PLAGL1: variants seen among roughly 807,000 people sequenced by gnomAD.
The protein encoded by PLAGL1 is zinc finger protein PLAGL1.
PLAGL1 carries 1 observed loss-of-function variant against 4.6 expected under a neutral mutation model. The observed-to-expected ratio is 0.22, with a 90% CI of 0.08 to 1.03. PLAGL1 has a LOEUF of 1.03. PLAGL1 is among the 50% of genes least tolerant of loss of function. The pLI is 0.58. For synonymous variants in PLAGL1, 240 were observed against 237.8 expected (o/e 1.01, Z -0.08); for missense variants, 464 against 570.4 (o/e 0.81, Z 1.90).
chr6:144,009,564 G>A (rs1201672616), upstream of PLAGL1, among the ~76,000 whole-genome samples: 2 of 151,962 alleles, frequency 1.3e-5, no homozygotes, highest in Non-Finnish European at 2.9e-5. Flanking sequence ...TGTGCAGAAC[G>A]GGCAGGTTTG....
At chr6:144,041,190 T>C (rs961351811) in intron 1 of PLAGL1, among the ~76,000 whole-genome samples, 2 of 152,036 alleles carry the variant, frequency 1.3e-5, no homozygotes, top group African/African-American at 2.4e-5. Context: ...CAACTTTCTA[T>C]ATATATATAT....
rs1791136852 is a variant in PLAGL1 at position 143,994,080 on chromosome 6, G to GTGCT, written c.-583-8907_-583-8906insAGCA. ...AAAGAACTCCCTAGGGGCAAGGCCA[G>GTGCT]TACTTCTGAAAATGATGAACAAGAA... On this transcript the variant is annotated intron_variant, in intron 1 of 7. Coordinates refer to ENST00000674357, the MANE Select transcript of PLAGL1 (RefSeq NM_001317162.2). This position sits in a 1 kb window ranked among gnomAD's most constrained non-coding sequence, Gnocchi z 4.3. 6.6e-6 allele frequency among the ~76,000 whole-genome samples: 1 copy of GTGCT among 151,696 alleles called. No homozygotes were observed. The highest frequency in any genetic ancestry group is 1.5e-5 in the Non-Finnish European group (1 of 67,926).
In PLAGL1 at chr6:143,941,450, G is replaced by A; in HGVS notation, c.1366C>T (p.Pro456Ser). Residue 456 changes from proline (P) to serine (S), a missense_variant, in exon 8 of 8, where the codon CCT becomes TCT. Around this residue, in one of 4 missense-constraint regions of PLAGL1, gnomAD observed 20 missense variants for 46.3 expected, o/e 0.43. Coordinates refer to ENST00000674357, the MANE Select transcript of PLAGL1 (RefSeq NM_001317162.2). This position sits in a 1 kb window ranked among gnomAD's most constrained non-coding sequence, Gnocchi z 6.0. ...TATCTGAATGCATGATGGAAATGAGGCAGGATGGCAGAGCCAGTGCCAGCT... is the reference window on the plus strand; with the variant it reads ...TATCTGAATGCATGATGGAAATGAGACAGGATGGCAGAGCCAGTGCCAGCT... ...FSAGTGSAIL[P>S]HFHHAFR The A allele has an allele frequency of 1.3e-6, 2 of 1,502,718 alleles. No homozygotes were observed. The highest frequency in any genetic ancestry group is 1.8e-6 in the Non-Finnish European group (2 of 1,125,784). 93.1% of individuals were successfully genotyped at this position (1,502,718 alleles called of 1,614,324 possible). A position where few individuals can be genotyped will look rare whatever the true frequency, so the allele number is the denominator to read the frequency against.
intron 1 of PLAGL1, among the ~76,000 whole-genome samples, chr6:144,025,020 C>A (rs1007532070): frequency 2.0e-5 from 3 of 152,170 alleles, no homozygotes; most frequent in Admixed American, 2.0e-4. Context: ...GCATGTACAG[C>A]CCTCCTTCCA....
chr6:143,942,581 T>C lies in PLAGL1; in HGVS notation c.235A>G (p.Asn79Asp). The change falls in exon 8 of 8, where the codon AAC (asparagine) becomes GAC (aspartate). Residue 79 changes from asparagine to aspartate, a missense_variant. Asn to Asp is a conservative substitution (Grantham distance 23). Around this residue, in one of 4 missense-constraint regions of PLAGL1, gnomAD observed 161 missense variants for 196.7 expected, o/e 0.82. Coordinates refer to ENST00000674357, the MANE Select transcript of PLAGL1 (RefSeq NM_001317162.2). This position sits in a 1 kb window ranked among gnomAD's most constrained non-coding sequence, Gnocchi z 7.6. ...TTGGGGTCGTGGGTCTGGAGGTGGTTTTTCAGGTGGTCTTTCCGGTTGAAC... is the reference window on the plus strand; with the variant it reads ...TTGGGGTCGTGGGTCTGGAGGTGGTCTTTCAGGTGGTCTTTCCGGTTGAAC... ...KTFNRKDHLK[N>D]HLQTHDPNKM... 1 of 1,614,018 alleles carries C rather than the reference T, an allele frequency of 6.2e-7. No individual in the cohort carries two copies. The highest frequency in any genetic ancestry group is 1.3e-5 in the African/African-American group (1 of 74,986).
rs1799634359 is a variant in PLAGL1, at chr6:144,063,999, T to C, written c.-151+469A>G. Among the ~76,000 whole-genome samples the C allele has an allele frequency of 1.3e-5, 2 of 152,166 alleles. No homozygotes were observed. The highest frequency in any genetic ancestry group is 4.8e-5 in the African/African-American group (2 of 41,452). On this transcript the variant is annotated intron_variant, in intron 1 of 3. Coordinates refer to the PLAGL1 transcript ENST00000437412. This position sits in a 1 kb window ranked among gnomAD's most constrained non-coding sequence, Gnocchi z 5.7. ...TAAGCTGGCACTTGAGATTCTCCCG[T>C]TGGGGTGGTTCAGCAATGATCACCC...
Position 144,056,098 on chromosome 6 carries a change from G to A in PLAGL1, c.-151+8370C>T, listed in dbSNP as rs1437719501. ...CTTTCTCCATCCCACCCCCACCTCT[G>A]AAGAAATCTAGACCTCCAAGGGATC... is the stretch of plus-strand genomic sequence containing the variant. On this transcript the variant is annotated intron_variant, in intron 1 of 3. Coordinates refer to the PLAGL1 transcript ENST00000437412. This position sits in a 1 kb window ranked among gnomAD's most constrained non-coding sequence, Gnocchi z 4.7. Among the ~76,000 whole-genome samples the A allele has an allele frequency of 7.2e-6, 1 of 139,708 alleles. No individual in the cohort carries two copies. The highest frequency in any genetic ancestry group is 1.5e-5 in the Non-Finnish European group (1 of 65,914). 91.7% of individuals were successfully genotyped at this position (139,708 alleles called of 152,430 possible).
intron 1 of PLAGL1, among the ~76,000 whole-genome samples, chr6:144,040,721 C>CA (rs138041705): frequency 3.3e-5 from 5 of 151,826 alleles, no homozygotes; most frequent in Non-Finnish European, 5.9e-5. Flanking sequence ...ACTAAAAATA[C>CA]AAAAAAATTT....
At position 144,021,845 on chromosome 6, in the gene PLAGL1, C is replaced by T. The variant is rs1175208739; in HGVS notation, c.-151+42623G>A. Among the ~76,000 whole-genome samples the T allele has an allele frequency of 2.6e-5, 4 of 152,084 alleles. No individual in the cohort carries two copies. The South Asian group carries it at 8.3e-4, about 32-fold the overall frequency. ...GATCTAACTATACATTGGTAGCATT[C>T]CAGAAAGGTTTCAAATGGTCAGGTA... On this transcript the variant is annotated intron_variant, in intron 1 of 3. Transcript: ENST00000437412.
At chr6:144,031,365 C>A (rs750340498) in intron 1 of PLAGL1, among the ~76,000 whole-genome samples, 1 of 152,114 alleles carries the variant, frequency 6.6e-6, no homozygotes, top group Non-Finnish European at 1.5e-5. Flanking sequence ...TAAGTCCCAT[C>A]TATTTATATT....
rs149108444 is a variant in PLAGL1 at position 143,955,674 on chromosome 6, C to T, written c.-325+4795G>A. ...AGGCGCTCACCACCAGGGAGCTGGG[C>T]AATGGGGACCGATCAGAAGCAGTGG... On this transcript the variant is annotated intron_variant, in intron 6 of 7. Transcript: ENST00000674357. The surrounding 1 kb of genome is among the most constrained non-coding windows in gnomAD (Gnocchi z 4.9). Among the ~76,000 whole-genome samples, 22 of 152,212 alleles carry T rather than the reference C, an allele frequency of 1.4e-4. No individual in the cohort carries two copies. In the East Asian group the frequency reaches 4.3e-3, roughly 29 times the overall value.
Position 143,958,225 on chromosome 6 carries a change from A to G in PLAGL1, c.-325+2244T>C, listed in dbSNP as rs1483894539. 1.3e-5 allele frequency among the ~76,000 whole-genome samples: 2 copies of G among 152,248 alleles called. No individual in the cohort carries two copies. The highest frequency in any genetic ancestry group is 2.9e-5 in the Non-Finnish European group (2 of 68,038). ...AATTGCAGAGAGGAAAAAGTTACAT[A>G]TAATCACTTATCCCTCCCCCATGGG... On this transcript the variant is annotated intron_variant, in intron 6 of 7. Transcript: ENST00000674357. The surrounding 1 kb of genome is among the most constrained non-coding windows in gnomAD (Gnocchi z 5.1).
chr6:144,004,069 T>C lies in PLAGL1; in HGVS notation c.-584+4021A>G, dbSNP rs1562550083. Among the ~76,000 whole-genome samples, 1 of 152,200 alleles carries C rather than the reference T, an allele frequency of 6.6e-6. No individual in the cohort carries two copies. The highest frequency in any genetic ancestry group is 1.9e-4 in the East Asian group (1 of 5,204). On this transcript the variant is annotated intron_variant, in intron 1 of 7. Coordinates refer to ENST00000674357, the MANE Select transcript of PLAGL1 (RefSeq NM_001317162.2). The surrounding 1 kb of genome is among the most constrained non-coding windows in gnomAD (Gnocchi z 4.2). The stretch of plus-strand genomic sequence containing the variant: ...ATAATGTAATACCGTAGAAGAGGTG[T>C]CAATAAATTTTTTTCTGTAAATGGC...
intron 1 of PLAGL1, among the ~76,000 whole-genome samples, chr6:144,042,405 T>C (rs1797812979): frequency 6.6e-6 from 1 of 152,234 alleles, no homozygotes; most frequent in Non-Finnish European, 1.5e-5. Context: ...TAGCCAGTTT[T>C]CCCAGCACCA....
chr6:144,045,126 ACT>A (rs1224779681), intron 1 of PLAGL1, among the ~76,000 whole-genome samples: 1 of 147,546 alleles, frequency 6.8e-6, no homozygotes, highest in East Asian at 2.0e-4. Context: ...ATGGGTCTTG[ACT>A]CTTTATCCAA....
rs541658123 is a variant in PLAGL1 at position 144,027,296 on chromosome 6, T to A, written c.-151+37172A>T. On this transcript the variant is annotated intron_variant, in intron 1 of 3. Coordinates refer to the PLAGL1 transcript ENST00000437412. The surrounding 1 kb of genome is among the most constrained non-coding windows in gnomAD (Gnocchi z 5.8). ...GAAAGAAAGAAAGAAAGAAAGAAAGTTATTTGATCTGAAGTACAATGTCTT... is the reference window on the plus strand; with the variant it reads ...GAAAGAAAGAAAGAAAGAAAGAAAGATATTTGATCTGAAGTACAATGTCTT... 1.7e-5 allele frequency among the ~76,000 whole-genome samples: 2 copies of A among 116,196 alleles called. No individual in the cohort carries two copies. The highest frequency in any genetic ancestry group is 7.2e-5 in the African/African-American group (2 of 27,794). 76.2% of individuals were successfully genotyped at this position (116,196 alleles called of 152,430 possible).
intron 1 of PLAGL1, among the ~76,000 whole-genome samples, chr6:144,031,528 A>G (rs913939951): frequency 5.9e-5 from 9 of 152,206 alleles, no homozygotes; most frequent in Non-Finnish European, 1.3e-4. Flanking sequence ...ATCTTTGTAT[A>G]AGAAGAGAGA....
chr6:144,023,517 G>A (rs551778649), intron 1 of PLAGL1, among the ~76,000 whole-genome samples: 2 of 152,234 alleles, frequency 1.3e-5, no homozygotes, highest in Non-Finnish European at 2.9e-5. Context: ...AATGCATAAA[G>A]ACAAAAAGGA....
In PLAGL1 at chr6:143,985,538, CCT is replaced by C. The variant is rs1424164656; in HGVS notation, c.-583-366_-583-365del. ...TCCTTTGCCAAAATCTCTTTCTGCCCCTGACCCATTGCACATCTATTTTTAAC... is the reference window on the plus strand; with the variant it reads ...TCCTTTGCCAAAATCTCTTTCTGCCCGACCCATTGCACATCTATTTTTAAC... On this transcript the variant is annotated intron_variant, in intron 1 of 7. Transcript: ENST00000674357. This position sits in a 1 kb window ranked among gnomAD's most constrained non-coding sequence, Gnocchi z 4.4. 6.6e-6 allele frequency among the ~76,000 whole-genome samples: 1 copy of C among 152,118 alleles called. No individual in the cohort carries two copies. Among genetic ancestry groups the C allele is most frequent in the Non-Finnish European group, 1.5e-5 (1 of 68,008 alleles).
Sources: gnomAD v4.1 joint callset for allele counts (sites outside exome capture counted in the v4.1 genomes callset) on GRCh38, gnomAD v4.1.1 for gene constraint, gnomAD v4.1.1 regional missense constraint, Gnocchi (gnomAD v3.1) non-coding constraint, MANE v1.5 for transcripts, NCBI Gene and HGNC (gene_info 2026-07-23, HGNC 2026-07-21) for gene names.